The following POFUT1 variants were observed in gnomAD, a reference collection of about 807,000 sequenced individuals.
POFUT1 encodes protein O-fucosyltransferase 1.
In POFUT1, 16 loss-of-function variants were observed where a neutral mutation model predicts 42.4. That is an observed-to-expected ratio of 0.38 (90% CI 0.26 to 0.57). POFUT1 has a LOEUF of 0.57. Among genes scored for constraint, POFUT1 ranks in the 20% least tolerant of loss-of-function variants. The pLI, the probability that POFUT1 is intolerant of heterozygous loss-of-function variation, is 0.71. For missense variants in POFUT1, 470 were observed against 504.6 expected, an observed-to-expected ratio of 0.93 and a Z score of 0.66; for synonymous variants, 206 against 205.4, an observed-to-expected ratio of 1.00 and a Z score of -0.03.
intron 4 of POFUT1, 57 bp from the exon 5 acceptor site, chr20:32,228,206 G>T (rs975440079): frequency 2.1e-6 from 3 of 1,450,352 alleles, no homozygotes. Context: ...TCCCGTGGGG[G>T]TGGCAGCCAG....
chr20:32,212,427 G>A (rs959043484), intron 2 of POFUT1, among the ~76,000 whole-genome samples: 6 of 151,428 alleles, frequency 4.0e-5, no homozygotes, highest in South Asian at 2.1e-4. Context: ...CATCACACCC[G>A]GCTAATTCTT....
intron 5 of POFUT1, among the ~76,000 whole-genome samples, chr20:32,229,683 G>A (rs1299282544): frequency 1.3e-5 from 2 of 152,176 alleles, no homozygotes; most frequent in African/African-American, 4.8e-5. Flanking sequence ...AATGCAGTAA[G>A]ACCAAGAAAA....
intron 3 of POFUT1, among the ~76,000 whole-genome samples, 167 bp from the exon 4 acceptor site, chr20:32,216,442 A>G (rs1248858909): frequency 1.3e-5 from 2 of 152,220 alleles, no homozygotes; most frequent in African/African-American, 4.8e-5. Flanking sequence ...CACTCTGCTC[A>G]GCCCCTGGCC....
chr20:32,215,226 C>A (rs781723802), intron 2 of POFUT1, 43 bp from the exon 3 acceptor site: 4 of 1,516,630 alleles, frequency 2.6e-6, no homozygotes, highest in African/African-American at 1.4e-5. Context: ...AAAGTAGCCA[C>A]GGGGGCACTG....
intron 6 of POFUT1, among the ~76,000 whole-genome samples, chr20:32,232,049 G>C (rs187383512): frequency 1.3e-5 from 2 of 152,196 alleles, no homozygotes; most frequent in Non-Finnish European, 2.9e-5. Flanking sequence ...GGCCTTAAGA[G>C]GCAGACACTG....
At chr20:32,222,956 A>T in intron 4 of POFUT1, 5 of 984,540 alleles carry the variant, frequency 5.1e-6, no homozygotes, top group Non-Finnish European at 6.0e-6. Flanking sequence ...GCTGGAGGGA[A>T]AGGCAGTCCT....
chr20:32,234,421 G>T, intron 6 of POFUT1, 52 bp from the exon 7 acceptor site: 12 of 1,488,280 alleles, frequency 8.1e-6, no homozygotes, highest in Middle Eastern at 1.8e-4. Flanking sequence ...GTGGATGGCA[G>T]GCCTTGGCCT....
chr20:32,230,822 A>G lies in POFUT1; in HGVS notation c.739A>G (p.Asn247Asp). 6.2e-7 allele frequency: 1 copy of G among 1,613,384 alleles called. No homozygotes were observed. The highest frequency in any genetic ancestry group is 8.5e-7 in the Non-Finnish European group (1 of 1,180,036). Reference protein sequence around the residue: ...IHLRIGSDWKNACAMLKDGTA... With the variant: ...IHLRIGSDWKDACAMLKDGTA... ...CCCTGTTCCCCGCTCTCCGTAGAAG[A>G]ACGCCTGTGCCATGCTGAAGGACGG... The change falls in exon 6 of 7, where the codon AAC (asparagine) becomes GAC (aspartate). Residue 247 changes from asparagine to aspartate, a missense_variant. Coordinates refer to ENST00000375749, the MANE Select transcript of POFUT1 (RefSeq NM_015352.2).
At chr20:32,225,297 C>T (rs939087215) in intron 4 of POFUT1, among the ~76,000 whole-genome samples, 5 of 151,076 alleles carry the variant, frequency 3.3e-5, no homozygotes, top group Non-Finnish European at 1.5e-5. Flanking sequence ...TCGCCATTCT[C>T]CTGCCTCAGC....
Position 32,237,541 on chromosome 20 carries a change from G to C in POFUT1, c.*2880G>C. 1 of 237,210 alleles carries C rather than the reference G, an allele frequency of 4.2e-6. No individual in the cohort carries two copies. Among genetic ancestry groups the C allele is most frequent in the South Asian group, 5.3e-5 (1 of 18,904 alleles). 14.7% of individuals were successfully genotyped at this position (237,210 alleles called of 1,614,324 possible). A position where few individuals can be genotyped will look rare whatever the true frequency, so the allele number is the denominator to read the frequency against. On this transcript the variant is annotated 3_prime_UTR_variant, in exon 7 of 7. Transcript: ENST00000375749. ...AGCAGCCAGGAGGCCAGCATGGCTG[G>C]AGAGGCAGGCATAGGCAGGGAACCG...
At chr20:32,225,557 T>A (rs1189682626) in intron 4 of POFUT1, among the ~76,000 whole-genome samples, 2 of 152,274 alleles carry the variant, frequency 1.3e-5, no homozygotes, top group East Asian at 1.9e-4. Flanking sequence ...GGCACGATCA[T>A]GGCTGACTGC....
chr20:32,219,895 C>T (rs1394787771), intron 4 of POFUT1, among the ~76,000 whole-genome samples: 1 of 152,192 alleles, frequency 6.6e-6, no homozygotes, highest in East Asian at 1.9e-4. Flanking sequence ...TTATGGAATC[C>T]CTGCTGTACA....
intron 4 of POFUT1, among the ~76,000 whole-genome samples, chr20:32,225,115 C>G (rs1478525169): frequency 6.6e-6 from 1 of 152,206 alleles, no homozygotes; most frequent in Non-Finnish European, 1.5e-5. Flanking sequence ...CTGTACTATT[C>G]ATTTAACTAC....
At chr20:32,218,310 GT>G (rs1036388019) in intron 4 of POFUT1, among the ~76,000 whole-genome samples, 1 of 152,050 alleles carries the variant, frequency 6.6e-6, no homozygotes, top group African/African-American at 2.4e-5. Context: ...CGAATATTTT[GT>G]TTTGTTTTGT....
At chr20:32,222,516 C>A in intron 4 of POFUT1, 1 of 757,722 alleles carries the variant, frequency 1.3e-6, no homozygotes, top group Non-Finnish European at 1.6e-6. Context: ...TTGGCTAGTA[C>A]GAGGGCACAT....
rs1569160393 is a variant in POFUT1, at chr20:32,228,407, C to T, written c.687C>T (p.His229=). ...VKTGEAQIHA[H]LVRPYVGIHL... ...CGGGAGAGGCCCAGATTCATGCCCA[C>T]CTTGTCCGGCCCTATGTGGGCATTC... is the stretch of plus-strand genomic sequence containing the variant. Residue 229 remains histidine (H), a synonymous_variant, in exon 5 of 7, where the codon CAC becomes CAT. Coordinates refer to ENST00000375749, the MANE Select transcript of POFUT1 (RefSeq NM_015352.2). 2 of 1,614,184 alleles carry T rather than the reference C, an allele frequency of 1.2e-6. No individual in the cohort carries two copies. Among genetic ancestry groups the T allele is most frequent in the East Asian group, 4.5e-5 (2 of 44,880 alleles).
In POFUT1 at chr20:32,238,623, G is replaced by T. The variant is rs1049936104; in HGVS notation, c.*3962G>T. The T allele has an allele frequency of 1.3e-5, 2 of 152,026 alleles. No homozygotes were observed. Among genetic ancestry groups the T allele is most frequent in the African/African-American group, 4.8e-5 (2 of 41,392 alleles). The allele number at this position is 152,026 out of a possible 1,614,324, so 9.4% of individuals were successfully genotyped here. A position where few individuals can be genotyped will look rare whatever the true frequency, so the allele number is the denominator to read the frequency against. On this transcript the variant is annotated 3_prime_UTR_variant, in exon 7 of 7. Coordinates refer to ENST00000375749, the MANE Select transcript of POFUT1 (RefSeq NM_015352.2). ...AGAATTCAAATATAAATAAAAAATT[G>T]TGAGTAATAAAATGAACTCACAGTT...
At chr20:32,212,807 C>G (rs911128598) in intron 2 of POFUT1, among the ~76,000 whole-genome samples, 2 of 152,168 alleles carry the variant, frequency 1.3e-5, no homozygotes, top group African/African-American at 4.8e-5. Flanking sequence ...GTCTCGAACT[C>G]CCTGCCTCAA....
intron 4 of POFUT1, among the ~76,000 whole-genome samples, chr20:32,218,702 G>T (rs1482328611): frequency 6.6e-6 from 1 of 151,852 alleles, no homozygotes; most frequent in Non-Finnish European, 1.5e-5. Flanking sequence ...AAAGGATGGA[G>T]ATTTGCCCAT....
Sources: gnomAD v4.1 joint callset for allele counts (sites outside exome capture counted in the v4.1 genomes callset) on GRCh38, gnomAD v4.1.1 for gene constraint, MANE v1.5 for transcripts, NCBI Gene and HGNC (gene_info 2026-07-23, HGNC 2026-07-21) for gene names.